NDFIP1: variants seen among roughly 807,000 people sequenced by gnomAD.
The protein encoded by NDFIP1 is Nedd4 family interacting protein 1, also known as NEDD4 family-interacting protein 1.
Under a neutral mutation model 28.8 loss-of-function variants are expected in NDFIP1, and 7 were observed. The ratio of observed to expected loss-of-function variants is 0.24; its 90% CI spans 0.14 to 0.46. NDFIP1 has a LOEUF of 0.46. NDFIP1 is among the 20% of genes least tolerant of loss of function. The probability of loss-of-function intolerance (pLI) is 0.99; values close to 1 mark genes in which losing one functional copy is unlikely to be tolerated. For missense variants in NDFIP1, 194 were observed against 269.1 expected (o/e 0.72, Z 1.95); for synonymous variants, 92 against 101.0 (o/e 0.91, Z 0.53).
At chr5:142,150,124 T>C (rs1757429952) in intron 7 of NDFIP1, among the ~76,000 whole-genome samples, 1 of 148,704 alleles carries the variant, frequency 6.7e-6, no homozygotes, top group African/African-American at 2.5e-5. Context: ...GAGCTTGCAG[T>C]GAGCCGAAAT....
intron 1 of NDFIP1, among the ~76,000 whole-genome samples, chr5:142,122,420 A>G (rs753257303): frequency 2.6e-5 from 4 of 152,210 alleles, no homozygotes; most frequent in Non-Finnish European, 5.9e-5. Flanking sequence ...GTAGATAGGC[A>G]TTTGAATAAT....
At chr5:142,124,041 G>A (rs1247863099) in intron 1 of NDFIP1, among the ~76,000 whole-genome samples, 2 of 152,126 alleles carry the variant, frequency 1.3e-5, no homozygotes, top group African/African-American at 2.4e-5. Flanking sequence ...CCTTATTTCC[G>A]TAGTCTTTGT....
At chr5:142,109,070 G>A (rs1465108359) in intron 1 of NDFIP1, 33 bp downstream of exon 1, 16 of 1,359,394 alleles carry the variant, frequency 1.2e-5, no homozygotes, top group African/African-American at 6.1e-5. Flanking sequence ...CCCGAACTCC[G>A]GTCCCTGGCT....
chr5:142,116,279 T>C (rs1235936366), intron 1 of NDFIP1, among the ~76,000 whole-genome samples: 1 of 152,204 alleles, frequency 6.6e-6, no homozygotes, highest in Admixed American at 6.5e-5. Flanking sequence ...GTGAAATATT[T>C]TCTTATTAAT....
rs190687265 is a variant in NDFIP1, at chr5:142,153,763, A to T, written c.*2035A>T. 1 of 164,360 alleles carries T rather than the reference A, an allele frequency of 6.1e-6. No individual in the cohort carries two copies. The highest frequency in any genetic ancestry group is 1.3e-5 in the Non-Finnish European group (1 of 74,584). 10.2% of individuals were successfully genotyped at this position (164,360 alleles called of 1,614,324 possible). A position where few individuals can be genotyped will look rare whatever the true frequency, so the allele number is the denominator to read the frequency against. ...GAGAGAACTATGTAAATTATCTTGC[A>T]GAACAAAATAGAAGGGTCCTAAATC... On this transcript the variant is annotated 3_prime_UTR_variant, in exon 8 of 8. Transcript: ENST00000253814.
At chr5:142,116,039 C>A (rs1380431884) in intron 1 of NDFIP1, among the ~76,000 whole-genome samples, 1 of 152,140 alleles carries the variant, frequency 6.6e-6, no homozygotes, top group Non-Finnish European at 1.5e-5. Context: ...TGCATCCTCC[C>A]ATTTTGGTAT....
At chr5:142,124,831 T>A (rs1757154179) in intron 1 of NDFIP1, among the ~76,000 whole-genome samples, 1 of 16,574 alleles carries the variant, frequency 6.0e-5, no homozygotes. Context: ...ACTTGAAGAT[T>A]TTTTTTTTTT....
chr5:142,121,898 T>G (rs1757125641), intron 1 of NDFIP1, among the ~76,000 whole-genome samples: 1 of 152,234 alleles, frequency 6.6e-6, no homozygotes, highest in South Asian at 2.1e-4. Flanking sequence ...CAACACTCAC[T>G]AATGTATCCA....
At chr5:142,145,584 T>G (rs1456915795) in intron 7 of NDFIP1, among the ~76,000 whole-genome samples, 1 of 152,120 alleles carries the variant, frequency 6.6e-6, no homozygotes. Context: ...AGATAAACTT[T>G]ACATGATAGT....
intron 3 of NDFIP1, among the ~76,000 whole-genome samples, chr5:142,133,585 ATC>A (rs1757246591): frequency 6.6e-6 from 1 of 152,228 alleles, no homozygotes; most frequent in South Asian, 2.1e-4. Flanking sequence ...TACTCTGCAG[ATC>A]TGTTGCAATA....
chr5:142,115,440 C>CAAT (rs1561597489), intron 1 of NDFIP1, among the ~76,000 whole-genome samples: 1 of 151,978 alleles, frequency 6.6e-6, no homozygotes, highest in Non-Finnish European at 1.5e-5. Flanking sequence ...CCCACCACCA[C>CAAT]GCCCAGCTAA....
intron 6 of NDFIP1, among the ~76,000 whole-genome samples, chr5:142,141,227 G>C (rs1020782194): frequency 7.4e-6 from 1 of 135,082 alleles, no homozygotes; most frequent in Non-Finnish European, 1.5e-5. Context: ...ACAGGCTGGA[G>C]TGCAGTGGCG....
intron 7 of NDFIP1, among the ~76,000 whole-genome samples, chr5:142,150,931 A>G (rs141535128): frequency 2.2e-3 from 334 of 152,294 alleles, no homozygotes; most frequent in African/African-American, 7.7e-3. Context: ...TTTTATTCTT[A>G]ATAGTTCTTC....
Position 142,108,985 on chromosome 5 carries a change from C to T in NDFIP1, c.11C>T (p.Ala4Val). The T allele has an allele frequency of 1.4e-6, 2 of 1,446,098 alleles. No individual in the cohort carries two copies. Among genetic ancestry groups the T allele is most frequent in the Non-Finnish European group, 9.1e-7 (1 of 1,102,740 alleles). The allele number at this position is 1,446,098 out of a possible 1,614,324, so 89.6% of individuals were successfully genotyped here. A position where few individuals can be genotyped will look rare whatever the true frequency, so the allele number is the denominator to read the frequency against. ...GCTGCCGGCTGCGCCATGGCGTTGGCGTTGGCGGCGCTGGCGGCGGTCGAG... is the reference window on the plus strand; with the variant it reads ...GCTGCCGGCTGCGCCATGGCGTTGGTGTTGGCGGCGCTGGCGGCGGTCGAG... MAL[A>V]LAALAAVEPA... is the part of the protein sequence containing the mutation. The change falls in exon 1 of 8, where the codon GCG becomes GTG. Residue 4 changes from alanine (A) to valine (V), a missense_variant. By Grantham distance (64) the Ala-to-Val change is moderately conservative (BLOSUM62 0). Transcript: ENST00000253814.
intron 7 of NDFIP1, among the ~76,000 whole-genome samples, chr5:142,149,028 C>A (rs1757419534): frequency 6.6e-6 from 1 of 151,732 alleles, no homozygotes; most frequent in Non-Finnish European, 1.5e-5. Context: ...ACATATGAAG[C>A]ATAATATATT....
intron 1 of NDFIP1, among the ~76,000 whole-genome samples, chr5:142,123,169 G>GC (rs1757137466): frequency 6.6e-6 from 1 of 152,074 alleles, no homozygotes. Flanking sequence ...CACCATGTTG[G>GC]CCAGGCTGGT....
Position 142,145,985 on chromosome 5 carries a change from A to G in NDFIP1, c.*2+1309A>G, listed in dbSNP as rs75321891. On this transcript the variant is annotated intron_variant, in intron 7 of 7. Transcript: ENST00000253814. The stretch of plus-strand genomic sequence containing the variant: ...AAGCATCTACCATAGTTGATTTTCC[A>G]GGTGATAGAACAGCATTGAAAGCTT... 8.3e-3 allele frequency among the ~76,000 whole-genome samples: 1,261 copies of G among 152,318 alleles called. 20 individuals carry two copies. The highest frequency in any genetic ancestry group is 0.029 in the African/African-American group (1,210 of 41,560).
At chr5:142,122,111 C>T (rs1757127728) in intron 1 of NDFIP1, among the ~76,000 whole-genome samples, 1 of 152,206 alleles carries the variant, frequency 6.6e-6, no homozygotes. Flanking sequence ...TTTTCACAAA[C>T]TGAACATGCA....
chr5:142,132,707 T>C (rs975584556), intron 3 of NDFIP1, among the ~76,000 whole-genome samples: 1 of 152,192 alleles, frequency 6.6e-6, no homozygotes, highest in Non-Finnish European at 1.5e-5. Context: ...AATAAATATA[T>C]GCAAATTTGT....
Sources: gnomAD v4.1 joint callset for allele counts (sites outside exome capture counted in the v4.1 genomes callset) on GRCh38, gnomAD v4.1.1 for gene constraint, MANE v1.5 for transcripts, NCBI Gene and HGNC (gene_info 2026-07-23, HGNC 2026-07-21) for gene names.